Variants in POM121L2 observed in about 807,000 individuals in gnomAD.
POM121L2 encodes the protein POM121 transmembrane nucleoporin like 2.
For missense variants in POM121L2, 1,167 were observed against 1,260.3 expected, an observed-to-expected ratio of 0.93 and a Z score of 1.12; for synonymous variants, 459 against 483.8, an observed-to-expected ratio of 0.95 and a Z score of 0.67.
chr6:27,310,091 G>C lies in POM121L2; in HGVS notation c.2080C>G (p.Pro694Ala). ...AACATGGTGACTGTATGCACAGTAG[G>C]AATTGTAGGATGGTGGTGTGGTGGG... Reference protein sequence around the residue: ...IFPPHHHPTIPTVHTVTMFTQ... With the variant: ...IFPPHHHPTIATVHTVTMFTQ... Residue 694 changes from proline (P) to alanine (A), a missense_variant, in exon 1 of 1, where the codon CCT becomes GCT. Physicochemically the swap from Pro to Ala is conservative, Grantham distance 27. Coordinates refer to ENST00000444565, the MANE Select transcript of POM121L2 (RefSeq NM_033482.4). 1 of 1,552,154 alleles carries C rather than the reference G, an allele frequency of 6.4e-7. No homozygotes were observed. Among genetic ancestry groups the C allele is most frequent in the Non-Finnish European group, 8.7e-7 (1 of 1,147,098 alleles).
chr6:27,310,336 T>G lies in POM121L2; in HGVS notation c.1835A>C (p.His612Pro). The G allele has an allele frequency of 6.4e-7, 1 of 1,552,016 alleles. No individual in the cohort carries two copies. The highest frequency in any genetic ancestry group is 8.7e-7 in the Non-Finnish European group (1 of 1,147,066). Residue 612 changes from histidine to proline, a missense_variant, in exon 1 of 1, where the codon CAT (histidine) becomes CCT (proline). Transcript: ENST00000444565. ...PPPFTHASTH[H>P]FHGLVKATSV... ...GGTGGCCTTGACCAGGCCATGGAAA[T>G]GATGGGTAGAAGCATGAGTAAATGG...
rs368065166 is a variant in POM121L2 at position 27,309,131 on chromosome 6, C to G, written c.3040G>C (p.Ala1014Pro). Residue 1014 changes from alanine (A) to proline (P), a missense_variant, in exon 1 of 1, where the codon GCA becomes CCA. By Grantham distance (27) the Ala-to-Pro change is conservative. Transcript: ENST00000444565. ...CGATTCTTTGGGGTTTTTGATTTTG[C>G]GCCAATGGAAAATGAAGAGGCTGAT... is the stretch of plus-strand genomic sequence containing the variant. ...RSSASSFSIGAKSKTPKNREK... is the reference protein window; with the variant it reads ...RSSASSFSIGPKSKTPKNREK... 1.9e-6 allele frequency: 3 copies of G among 1,551,602 alleles called. No homozygotes were observed. Among genetic ancestry groups the G allele is most frequent in the Non-Finnish European group, 2.6e-6 (3 of 1,147,000 alleles).
chr6:27,309,532 A>C lies in POM121L2; in HGVS notation c.2639T>G (p.Val880Gly). 1 of 1,552,112 alleles carries C rather than the reference A, an allele frequency of 6.4e-7. No individual in the cohort carries two copies. Among genetic ancestry groups the C allele is most frequent in the Non-Finnish European group, 8.7e-7 (1 of 1,147,078 alleles). Residue 880 changes from valine to glycine, a missense_variant, in exon 1 of 1, where the codon GTG becomes GGG. By Grantham distance (109) the Val-to-Gly change is moderately radical. Coordinates refer to ENST00000444565, the MANE Select transcript of POM121L2 (RefSeq NM_033482.4). The stretch of plus-strand genomic sequence containing the variant: ...AGGTTGTGGAGCTCTGCTGCCAAAC[A>C]CTGAGCCAAAAGCCCCACTTTGGTG... ...QTHQSGAFGS[V>G]FGSRAPQPFT...
rs1403904975 is a variant in POM121L2, at chr6:27,311,055, T to C, written c.1116A>G (p.Thr372=). 2.6e-6 allele frequency: 4 copies of C among 1,552,062 alleles called. No homozygotes were observed. The highest frequency in any genetic ancestry group is 2.0e-5 in the Admixed American group (1 of 51,014). ...NAGEDTTEVN[T]DPFPETWLAI... ...CAAGCCAAGTCTCAGGGAAAGGGTC[T>C]GTGTTGACCTCAGTTGTATCTTCTC... The change falls in exon 1 of 1, where the codon ACA becomes ACG. Residue 372 remains threonine (T), a synonymous_variant. Transcript: ENST00000444565.
At position 27,311,955 on chromosome 6, in the gene POM121L2, G is replaced by A; in HGVS notation, c.216C>T (p.Ala72=). The change falls in exon 1 of 1, where the codon GCC becomes GCT. Residue 72 remains alanine, a synonymous_variant. Coordinates refer to ENST00000444565, the MANE Select transcript of POM121L2 (RefSeq NM_033482.4). ...TGGGAAAGCGCCTCCAGGCCTCGTT[G>A]GCCAGCCACGTGGTTGGATTGGCAG... ...LDPANPTTWL[A]NEAWRRFPMK... 6.4e-7 allele frequency: 1 copy of A among 1,551,508 alleles called. No individual in the cohort carries two copies. The highest frequency in any genetic ancestry group is 2.4e-5 in the East Asian group (1 of 40,910).
At position 27,309,387 on chromosome 6, in the gene POM121L2, G is replaced by A; in HGVS notation, c.2784C>T (p.Thr928=). The A allele has an allele frequency of 6.4e-7, 1 of 1,551,606 alleles. No homozygotes were observed. The highest frequency in any genetic ancestry group is 8.7e-7 in the Non-Finnish European group (1 of 1,146,948). The change falls in exon 1 of 1, where the codon ACC becomes ACT. Residue 928 remains threonine, a synonymous_variant. Transcript: ENST00000444565. Reference sequence around the variant, plus strand: ...TTCCAAAGGGGATCATGGTGTTAGTGGTCCCACTAGGCAATGCTCCAATGC... The same window carrying A: ...TTCCAAAGGGGATCATGGTGTTAGTAGTCCCACTAGGCAATGCTCCAATGC... ...AFSIGALPSG[T]TNTMIPFGKG...
chr6:27,310,706 C>T lies in POM121L2; in HGVS notation c.1465G>A (p.Ala489Thr), dbSNP rs1002719195. 11 of 1,551,708 alleles carry T rather than the reference C, an allele frequency of 7.1e-6. No individual in the cohort carries two copies. The Admixed American group carries it at 2.0e-4, about 28-fold the overall frequency. ...DTTWPPSTSQ[A>T]DRSPMPPDPP... is the part of the protein sequence containing the mutation. ...TCTGGGGGCATGGGAGACCTGTCAG[C>T]CTGAGAGGTTGAAGGCGGCCAGGTG... Residue 489 changes from alanine (A) to threonine (T), a missense_variant, in exon 1 of 1, where the codon GCT becomes ACT. Physicochemically the swap from Ala to Thr is moderately conservative, Grantham distance 58. Coordinates refer to ENST00000444565, the MANE Select transcript of POM121L2 (RefSeq NM_033482.4).
In POM121L2 at chr6:27,310,440, G is replaced by A; in HGVS notation, c.1731C>T (p.Phe577=). The A allele has an allele frequency of 1.9e-6, 3 of 1,552,272 alleles. No homozygotes were observed. In the East Asian group the frequency reaches 7.3e-5, roughly 38 times the overall value. Reference sequence around the variant, plus strand: ...GATCTATGCTGCCAAAGATAGGCTTGAAGGTAGGAGTTAAGGTACCCTGAA... The same window carrying A: ...GATCTATGCTGCCAAAGATAGGCTTAAAGGTAGGAGTTAAGGTACCCTGAA... The part of the protein sequence containing the change: ...STIQGTLTPT[F]KPIFGSIDPL... Residue 577 remains phenylalanine, a synonymous_variant, in exon 1 of 1, where the codon TTC becomes TTT. Coordinates refer to ENST00000444565, the MANE Select transcript of POM121L2 (RefSeq NM_033482.4).
Position 27,311,057 on chromosome 6 carries a change from T to C in POM121L2, c.1114A>G (p.Thr372Ala). The C allele has an allele frequency of 1.3e-6, 2 of 1,552,054 alleles. No individual in the cohort carries two copies. Among genetic ancestry groups the C allele is most frequent in the Non-Finnish European group, 1.7e-6 (2 of 1,147,078 alleles). The change falls in exon 1 of 1, where the codon ACA (threonine) becomes GCA (alanine). Residue 372 changes from threonine (T) to alanine (A), a missense_variant. Coordinates refer to ENST00000444565, the MANE Select transcript of POM121L2 (RefSeq NM_033482.4). ...NAGEDTTEVN[T>A]DPFPETWLAI... ...AGCCAAGTCTCAGGGAAAGGGTCTG[T>C]GTTGACCTCAGTTGTATCTTCTCCT... is the stretch of plus-strand genomic sequence containing the variant.
At position 27,310,591 on chromosome 6, in the gene POM121L2, G is replaced by A; in HGVS notation, c.1580C>T (p.Ala527Val). Residue 527 changes from alanine (A) to valine (V), a missense_variant, in exon 1 of 1, where the codon GCA (alanine) becomes GTA (valine). Transcript: ENST00000444565. ...TTTTAACATGAGGTGAGCAGAAGTTGCATCAGGAGGTGCAGATGCAGAAAG... is the reference window on the plus strand; with the variant it reads ...TTTTAACATGAGGTGAGCAGAAGTTACATCAGGAGGTGCAGATGCAGAAAG... Reference protein sequence around the residue: ...SHLSASAPPDATSAHLMLKPI... With the variant: ...SHLSASAPPDVTSAHLMLKPI... The A allele has an allele frequency of 6.4e-7, 1 of 1,552,010 alleles. No individual in the cohort carries two copies. The highest frequency in any genetic ancestry group is 2.0e-5 in the Admixed American group (1 of 51,012).
intron 1 of POM121L2, chr6:27,310,668 TG>T (rs1362794376): frequency 6.4e-7 from 1 of 1,551,614 alleles, no homozygotes; most frequent in African/African-American, 1.4e-5. Flanking sequence ...GGATGGTGGG[TG>T]GTGCAGGTGG....
rs1760746774 is a variant in POM121L2 at position 27,311,590 on chromosome 6, G to A, written c.581C>T (p.Ser194Leu). The stretch of plus-strand genomic sequence containing the variant: ...ATTTTTCATCAGGGGCTTAAATGCC[G>A]ATGGTCTGGTCTCTGGACTCCTTCT... ...SKRRSPETRPSAFKPLMKNGT... is the reference protein window; with the variant it reads ...SKRRSPETRPLAFKPLMKNGT... Residue 194 changes from serine (S) to leucine (L), a missense_variant, in exon 1 of 1, where the codon TCG becomes TTG. By Grantham distance (145) the Ser-to-Leu change is moderately radical. Transcript: ENST00000444565. 1.9e-6 allele frequency: 3 copies of A among 1,551,602 alleles called. No individual in the cohort carries two copies. Among genetic ancestry groups the A allele is most frequent in the Admixed American group, 2.0e-5 (1 of 50,996 alleles).
rs983693292 is a variant in POM121L2 at position 27,309,494 on chromosome 6, C to G, written c.2677G>C (p.Gly893Arg). The change falls in exon 1 of 1, where the codon GGA becomes CGA. Residue 893 changes from glycine (G) to arginine (R), a missense_variant. Gly to Arg is a moderately radical substitution (Grantham distance 125, BLOSUM62 -2). Transcript: ENST00000444565. ...TCACAGTCCATAGGGGTCACGAATC[C>G]CCCAAAAGTGAAAGGTTGTGGAGCT... ...SRAPQPFTFGGFVTPMDCDES... is the reference protein window; with the variant it reads ...SRAPQPFTFGRFVTPMDCDES... The G allele has an allele frequency of 1.9e-6, 3 of 1,551,960 alleles. No homozygotes were observed. The highest frequency in any genetic ancestry group is 2.6e-6 in the Non-Finnish European group (3 of 1,147,066).
Position 27,311,556 on chromosome 6 carries a change from G to T in POM121L2, c.615C>A (p.Leu205=), listed in dbSNP as rs149082261. The change falls in exon 1 of 1, where the codon CTC becomes CTA. Residue 205 remains leucine, a synonymous_variant. Coordinates refer to ENST00000444565, the MANE Select transcript of POM121L2 (RefSeq NM_033482.4). ...GCCCAGGCCTGGGCACAAAAGAAGTGAGGGTTCCATTTTTCATCAGGGGCT... is the reference window on the plus strand; with the variant it reads ...GCCCAGGCCTGGGCACAAAAGAAGTTAGGGTTCCATTTTTCATCAGGGGCT... ...AFKPLMKNGT[L]TSFVPRPGPL... is the part of the protein sequence containing the mutation. 103 of 1,551,716 alleles carry T rather than the reference G, an allele frequency of 6.6e-5. No individual in the cohort carries two copies. In the African/African-American group the frequency reaches 1.2e-3, roughly 18 times the overall value.
chr6:27,311,678 C>A, upstream of POM121L2: 1 of 1,551,914 alleles, frequency 6.4e-7, no homozygotes, highest in African/African-American at 1.4e-5. Flanking sequence ...TTTCTGCACT[C>A]TCTGAGGGCC....
chr6:27,310,327 C>T lies in POM121L2; in HGVS notation c.1844G>A (p.Gly615Asp). 2 of 1,552,134 alleles carry T rather than the reference C, an allele frequency of 1.3e-6. No homozygotes were observed. The highest frequency in any genetic ancestry group is 2.4e-5 in the South Asian group (2 of 84,056). ...FTHASTHHFH[G>D]LVKATSVVMS... ...GACCACAGAGGTGGCCTTGACCAGG[C>T]CATGGAAATGATGGGTAGAAGCATG... Residue 615 changes from glycine (G) to aspartate (D), a missense_variant, in exon 1 of 1, where the codon GGC (glycine) becomes GAC (aspartate). By Grantham distance (94) the Gly-to-Asp change is moderately conservative. Transcript: ENST00000444565.
rs1220605063 is a variant in POM121L2, at chr6:27,310,624, G to A, written c.1547C>T (p.Thr516Ile). 2 of 1,551,926 alleles carry A rather than the reference G, an allele frequency of 1.3e-6. No individual in the cohort carries two copies. The highest frequency in any genetic ancestry group is 2.4e-5 in the South Asian group (2 of 84,056). ...STLLGMVSSP[T>I]SHLSASAPPD... ...AGGTGCAGATGCAGAAAGATGGGAT[G>A]TTGGGCTACTCACCATTCCAAGCAA... Residue 516 changes from threonine (T) to isoleucine (I), a missense_variant, in exon 1 of 1, where the codon ACA becomes ATA. By Grantham distance (89) the Thr-to-Ile change is moderately conservative. Transcript: ENST00000444565.
Position 27,309,602 on chromosome 6 carries a change from T to C in POM121L2, c.2569A>G (p.Ile857Val). 2 of 1,551,734 alleles carry C rather than the reference T, an allele frequency of 1.3e-6. No individual in the cohort carries two copies. The highest frequency in any genetic ancestry group is 1.2e-5 in the South Asian group (1 of 84,062). ...AACCCAGTTGTACTAGCTTGACTAA[T>C]GGGAAAACCTGCTGGAATGCCGCCA... The part of the protein sequence containing the change: ...GIGGIPAGFP[I>V]SQASTTGFRI... The change falls in exon 1 of 1, where the codon ATT (isoleucine) becomes GTT (valine). Residue 857 changes from isoleucine to valine, a missense_variant. Ile to Val is a conservative substitution (Grantham distance 29). Coordinates refer to ENST00000444565, the MANE Select transcript of POM121L2 (RefSeq NM_033482.4).
Position 27,310,962 on chromosome 6 carries a change from A to C in POM121L2, c.1209T>G (p.Pro403=), listed in dbSNP as rs139203721. Residue 403 remains proline, a synonymous_variant, in exon 1 of 1, where the codon CCT becomes CCG. Coordinates refer to ENST00000444565, the MANE Select transcript of POM121L2 (RefSeq NM_033482.4). Reference sequence around the variant, plus strand: ...GCATTTTTCTTAAGTTTTCCAACTGAGGATTTGCTCCCTGGGTTAGATCTG... The same window carrying C: ...GCATTTTTCTTAAGTTTTCCAACTGCGGATTTGCTCCCTGGGTTAGATCTG... ...SETDLTQGAN[P]QLENLRKMQK... 59 of 1,552,032 alleles carry C rather than the reference A, an allele frequency of 3.8e-5. No individual in the cohort carries two copies. Among genetic ancestry groups the C allele is most frequent in the Non-Finnish European group, 5.1e-5 (59 of 1,147,100 alleles).
Sources: gnomAD v4.1 joint callset for allele counts on GRCh38, gnomAD v4.1.1 for gene constraint, MANE v1.5 for transcripts, NCBI Gene and HGNC (gene_info 2026-07-23, HGNC 2026-07-21) for gene names.